IL1RAPL1: variants seen among roughly 807,000 people sequenced by gnomAD.
IL1RAPL1 encodes the protein interleukin-1 receptor accessory protein-like 1.
In IL1RAPL1, 3 loss-of-function variants were observed where a neutral mutation model predicts 48.4. The ratio of observed to expected loss-of-function variants is 0.06; its 90% CI spans 0.03 to 0.16. IL1RAPL1 has a LOEUF of 0.16. Among genes scored for constraint, IL1RAPL1 ranks in the 10% least tolerant of loss-of-function variants. IL1RAPL1 has a pLI of 1.00. For missense variants in IL1RAPL1, 349 were observed against 530.6 expected, an observed-to-expected ratio of 0.66 and a Z score of 3.36; for synonymous variants, 185 against 187.7, an observed-to-expected ratio of 0.99 and a Z score of 0.12.
chrX:28,922,456 A>G (rs1923638884), intron 2 of IL1RAPL1, among the ~76,000 whole-genome samples: 1 of 112,338 alleles, frequency 8.9e-6, no homozygotes, highest in South Asian at 3.7e-4. Flanking sequence ...AAGGACTCAC[A>G]TAAAGTCTTT....
chrX:29,506,558 T>C (rs1389094305), intron 5 of IL1RAPL1, among the ~76,000 whole-genome samples: 4 of 109,747 alleles, frequency 3.6e-5, no homozygotes, highest in Admixed American at 1.9e-4. Context: ...TTGCTTTGGT[T>C]CTAGTAAACC....
At chrX:29,394,501 G>A (rs1042417217) in intron 3 of IL1RAPL1, among the ~76,000 whole-genome samples, 5 of 112,090 alleles carry the variant, frequency 4.5e-5, no homozygotes, top group African/African-American at 1.3e-4. Context: ...TGTGCAAACC[G>A]TTACCTCAGA....
At chrX:29,706,632 A>T (rs1305600758) in intron 6 of IL1RAPL1, among the ~76,000 whole-genome samples, 1 of 111,951 alleles carries the variant, frequency 8.9e-6, no homozygotes, top group Admixed American at 9.5e-5. Context: ...GCTGATGCAA[A>T]AGATGGGCCA....
intron 2 of IL1RAPL1, among the ~76,000 whole-genome samples, chrX:29,268,811 A>T (rs1417913393): frequency 8.9e-6 from 1 of 112,214 alleles, no homozygotes; most frequent in Non-Finnish European, 1.9e-5. Flanking sequence ...ATCTGTTGAA[A>T]TAAAGGATGA....
At chrX:29,335,880 C>T (rs1380025607) in intron 3 of IL1RAPL1, among the ~76,000 whole-genome samples, 1 of 110,269 alleles carries the variant, frequency 9.1e-6, no homozygotes, top group African/African-American at 3.3e-5. Flanking sequence ...TGAAAAAATG[C>T]CAGTTAATAA....
At chrX:28,897,592 T>G (rs1922960684) in intron 2 of IL1RAPL1, among the ~76,000 whole-genome samples, 1 of 111,936 alleles carries the variant, frequency 8.9e-6, no homozygotes, top group African/African-American at 3.3e-5. Context: ...TTCCTTGGGC[T>G]GGTGGGTCTG....
At chrX:28,827,276 C>A (rs1015499852) in intron 2 of IL1RAPL1, among the ~76,000 whole-genome samples, 3 of 110,883 alleles carry the variant, frequency 2.7e-5, no homozygotes, top group Non-Finnish European at 5.7e-5. Context: ...GAACTAATCT[C>A]ATTCTTAACT....
intron 3 of IL1RAPL1, among the ~76,000 whole-genome samples, chrX:29,357,960 G>GC (rs932996738): frequency 1.8e-5 from 2 of 111,449 alleles, no homozygotes; most frequent in Non-Finnish European, 3.8e-5. Context: ...GGGAAACCGA[G>GC]CAAGGCCTGT....
intron 2 of IL1RAPL1, among the ~76,000 whole-genome samples, chrX:29,111,932 T>C (rs1228859804): frequency 1.1e-5 from 1 of 89,064 alleles, no homozygotes; most frequent in African/African-American, 4.2e-5. Flanking sequence ...TTTCTTTTTT[T>C]TTTTTTTTTT....
At chrX:29,810,430 C>A (rs1334877541) in intron 6 of IL1RAPL1, among the ~76,000 whole-genome samples, 1 of 111,022 alleles carries the variant, frequency 9.0e-6, no homozygotes, top group Admixed American at 9.6e-5. Flanking sequence ...ACCTCGTGAT[C>A]CATCACCTCG....
At chrX:29,649,060 T>C (rs140471864) in intron 5 of IL1RAPL1, among the ~76,000 whole-genome samples, 1,483 of 111,338 alleles carry the variant, frequency 0.013, 25 homozygotes, top group African/African-American at 0.045. Flanking sequence ...CAACATTGAA[T>C]TATGAAGAAA....
chrX:29,352,051 A>G (rs1024901471), intron 3 of IL1RAPL1, among the ~76,000 whole-genome samples: 1 of 111,780 alleles, frequency 8.9e-6, no homozygotes, highest in Non-Finnish European at 1.9e-5. Context: ...AGTTCAAATA[A>G]TTTTGTTCAA....
At chrX:29,915,003 A>G (rs889038516) in intron 6 of IL1RAPL1, among the ~76,000 whole-genome samples, 5 of 112,538 alleles carry the variant, frequency 4.4e-5, no homozygotes, top group Non-Finnish European at 7.5e-5. Flanking sequence ...TGACTATCAC[A>G]TAAAAAATCC....
At chrX:29,075,708 G>A (rs140595323) in intron 2 of IL1RAPL1, among the ~76,000 whole-genome samples, 146 of 111,370 alleles carry the variant, frequency 1.3e-3, no homozygotes, top group Admixed American at 2.6e-3. Flanking sequence ...TGAGCCAGTC[G>A]TCTTAATATT....
chrX:28,654,188 G>A (rs1169304109), intron 1 of IL1RAPL1, among the ~76,000 whole-genome samples: 1 of 88,046 alleles, frequency 1.1e-5, no homozygotes, highest in Admixed American at 1.6e-4. Context: ...CTATGATTTG[G>A]TGTACTTCTT....
intron 2 of IL1RAPL1, among the ~76,000 whole-genome samples, chrX:29,265,474 T>TTATTATTATTATTATAC: frequency 9.1e-6 from 1 of 109,354 alleles, no homozygotes; most frequent in Non-Finnish European, 1.9e-5. Context: ...TATTTTTTTA[T>TTATTATTATTATTATAC]TTTATTATTA....
intron 6 of IL1RAPL1, among the ~76,000 whole-genome samples, chrX:29,790,569 T>C (rs12837032): frequency 8.9e-6 from 1 of 112,374 alleles, no homozygotes; most frequent in Non-Finnish European, 1.9e-5. Flanking sequence ...GTTACATATG[T>C]CCATTATATG....
rs763966835 is a variant in IL1RAPL1, at chrX:28,627,322, C to T, written c.-25+39275C>T. Among the ~76,000 whole-genome samples, 11 of 111,783 alleles carry T rather than the reference C, an allele frequency of 9.8e-5. No individual in the cohort carries two copies. In the South Asian group the frequency reaches 1.5e-3, roughly 15 times the overall value. On this transcript the variant is annotated intron_variant, in intron 1 of 10. Coordinates refer to ENST00000378993, the MANE Select transcript of IL1RAPL1 (RefSeq NM_014271.4). ...AAAACCCAACTTTTAAAGGATTAAA[C>T]GGGAGGGTGGGGAGTAAATTCAAGT... is the stretch of plus-strand genomic sequence containing the variant.
chrX:29,731,582 C>T (rs1927920244), intron 6 of IL1RAPL1, among the ~76,000 whole-genome samples: 1 of 111,900 alleles, frequency 8.9e-6, no homozygotes, highest in Non-Finnish European at 1.9e-5. Context: ...TGCCTTTGAC[C>T]TTTATTTTCA....
Sources: allele counts gnomAD v4.1 joint callset (sites outside exome capture counted in the v4.1 genomes callset), GRCh38; gene constraint gnomAD v4.1.1; transcripts MANE v1.5; gene names NCBI Gene and HGNC (gene_info 2026-07-23, HGNC 2026-07-21).